REV3L: variants seen among roughly 807,000 people sequenced by gnomAD.
The protein encoded by REV3L is REV3 like, DNA directed polymerase zeta catalytic subunit.
Under a neutral mutation model 299.4 loss-of-function variants are expected in REV3L, and 69 were observed. The observed-to-expected ratio is 0.23, with a 90% CI of 0.19 to 0.28. The LOEUF (loss-of-function observed/expected upper bound fraction) is 0.28. Ranked by LOEUF, REV3L falls within the 10% of genes least tolerant of loss-of-function variation. The pLI, the probability that REV3L is intolerant of heterozygous loss-of-function variation, is 1.00. For synonymous variants in REV3L, 1,238 were observed against 1,271.4 expected, an observed-to-expected ratio of 0.97 and a Z score of 0.56; for missense variants, 3,128 against 3,693.8, an observed-to-expected ratio of 0.85 and a Z score of 3.97.
At chr6:111,352,936 GA>G (rs1777721880) in intron 18 of REV3L, among the ~76,000 whole-genome samples, 1 of 152,180 alleles carries the variant, frequency 6.6e-6, no homozygotes, top group African/African-American at 2.4e-5. Flanking sequence ...GTGTGGGAGA[GA>G]GCGGAACTAA....
chr6:111,475,028 G>T (rs1487129022), intron 1 of REV3L, among the ~76,000 whole-genome samples: 2 of 139,002 alleles, frequency 1.4e-5, no homozygotes, highest in African/African-American at 5.8e-5. Flanking sequence ...CACACATATG[G>T]ATTTTATTAT....
At position 111,392,942 on chromosome 6, in the gene REV3L, T is replaced by C. The variant is rs756532789; in HGVS notation, c.596A>G (p.Lys199Arg). ...AAGAGAATTTCCTGATAAATGATTC[T>C]TGCAGGATCCAGTTGCATGCAATGT... Reference protein sequence around the residue: ...SNTLHATGSCKNHLSGNSLAD... With the variant: ...SNTLHATGSCRNHLSGNSLAD... Residue 199 changes from lysine to arginine, a missense_variant, in exon 5 of 32, where the codon AAG becomes AGG. Lys to Arg is a conservative substitution (Grantham distance 26). Transcript: ENST00000368802. The C allele has an allele frequency of 3.5e-5, 56 of 1,612,068 alleles. No homozygotes were observed. Among genetic ancestry groups the C allele is most frequent in the Non-Finnish European group, 4.5e-5 (53 of 1,178,380 alleles).
Position 111,367,861 on chromosome 6 carries a change from A to T in REV3L, c.5927T>A (p.Val1976Asp). Residue 1976 changes from valine to aspartate, a missense_variant, in exon 14 of 32, where the codon GTC (valine) becomes GAC (aspartate). By Grantham distance (152) the Val-to-Asp change is radical (BLOSUM62 -3). Transcript: ENST00000368802. ...GSPLRSGQGV[V>D]NKGSSNSPKM... ...AGGGCTATTACTTGACCCTTTATTGACAACTCCTTGGCCACTGCGAAGGGG... is the reference window on the plus strand; with the variant it reads ...AGGGCTATTACTTGACCCTTTATTGTCAACTCCTTGGCCACTGCGAAGGGG... The T allele has an allele frequency of 1.2e-6, 2 of 1,614,128 alleles. No homozygotes were observed. Among genetic ancestry groups the T allele is most frequent in the Non-Finnish European group, 1.7e-6 (2 of 1,180,010 alleles).
intron 13 of REV3L, 41 bp downstream of exon 13, chr6:111,372,555 T>C (rs752306496): frequency 2.6e-5 from 37 of 1,400,590 alleles, no homozygotes; most frequent in East Asian, 4.8e-5. Context: ...TTATATATCA[T>C]AATAATTCAG....
intron 1 of REV3L, among the ~76,000 whole-genome samples, chr6:111,451,846 G>GAA (rs36014006): frequency 1.2e-3 from 154 of 132,064 alleles, no homozygotes; most frequent in South Asian, 8.5e-3. Context: ...ATCACGAAAG[G>GAA]AAAAAAAAAA....
At chr6:111,358,570 C>A (rs758293963) in intron 17 of REV3L, among the ~76,000 whole-genome samples, 2 of 152,112 alleles carry the variant, frequency 1.3e-5, no homozygotes, top group African/African-American at 4.8e-5. Flanking sequence ...TCGAGCAATC[C>A]TGTTGCCCAG....
chr6:111,465,225 C>T (rs1791308145), intron 1 of REV3L, among the ~76,000 whole-genome samples: 1 of 150,486 alleles, frequency 6.6e-6, no homozygotes, highest in Non-Finnish European at 1.5e-5. Context: ...GGATTACAGG[C>T]ATGCACCATC....
At chr6:111,460,072 G>T (rs1239279606) in intron 1 of REV3L, among the ~76,000 whole-genome samples, 1 of 152,048 alleles carries the variant, frequency 6.6e-6, no homozygotes, top group Non-Finnish European at 1.5e-5. Context: ...ATACACCATG[G>T]AACACTACAC....
At chr6:111,395,551 T>A (rs1019650273) in intron 4 of REV3L, among the ~76,000 whole-genome samples, 6 of 151,798 alleles carry the variant, frequency 4.0e-5, no homozygotes, top group African/African-American at 9.7e-5. Context: ...TTGTGGGTTT[T>A]AAAAAAAAAT....
intron 22 of REV3L, 109 bp downstream of exon 22, chr6:111,335,356 TATTG>T (rs754582588): frequency 4.4e-6 from 5 of 1,139,208 alleles, no homozygotes; most frequent in Non-Finnish European, 6.1e-6. Flanking sequence ...ATTACCCAGC[TATTG>T]ATTAGTTGGT....
intron 4 of REV3L, among the ~76,000 whole-genome samples, chr6:111,397,866 G>A (rs1782686214): frequency 6.6e-6 from 1 of 151,860 alleles, no homozygotes; most frequent in Non-Finnish European, 1.5e-5. Context: ...CAAATTCCTG[G>A]GCTCAAGCAA....
intron 25 of REV3L, among the ~76,000 whole-genome samples, chr6:111,325,965 T>C (rs1774744571): frequency 6.6e-6 from 1 of 152,092 alleles, no homozygotes; most frequent in Non-Finnish European, 1.5e-5. Flanking sequence ...TTCTACTCTC[T>C]ATCTCCATGA....
chr6:111,330,887 T>C, intron 24 of REV3L: 1 of 643,082 alleles, frequency 1.6e-6, no homozygotes, highest in Non-Finnish European at 1.9e-6. Flanking sequence ...ATGAACTCTT[T>C]GGTTAAAATT....
intron 1 of REV3L, among the ~76,000 whole-genome samples, chr6:111,440,959 T>A (rs1328798384): frequency 6.6e-6 from 1 of 152,246 alleles, no homozygotes; most frequent in East Asian, 1.9e-4. Flanking sequence ...AGAAGTCCGA[T>A]GTAATTTTTG....
Position 111,422,649 on chromosome 6 carries a change from C to CACAT in REV3L, c.140-6178_140-6177insATGT, listed in dbSNP as rs1554228646. Among the ~76,000 whole-genome samples, 5 of 22,502 alleles carry CACAT rather than the reference C, an allele frequency of 2.2e-4. 1 individual carries two copies. Among genetic ancestry groups the CACAT allele is most frequent in the East Asian group, 2.1e-3 (2 of 974 alleles). 14.8% of individuals were successfully genotyped at this position (22,502 alleles called of 152,430 possible). On this transcript the variant is annotated intron_variant, in intron 1 of 31. Transcript: ENST00000368802. ...ATATATACACATATATATATATATA[C>CACAT]ATATATATATATACATATATATATA...
At chr6:111,324,022 C>CA (rs1477286656) in intron 25 of REV3L, among the ~76,000 whole-genome samples, 1 of 152,140 alleles carries the variant, frequency 6.6e-6, no homozygotes, top group African/African-American at 2.4e-5. Context: ...TATTTTGAGA[C>CA]AGAGTCTCGT....
chr6:111,333,457 T>C, intron 22 of REV3L, 90 bp from the exon 23 acceptor site: 1 of 1,499,490 alleles, frequency 6.7e-7, no homozygotes, highest in South Asian at 1.3e-5. Flanking sequence ...TAATCTGCTT[T>C]TCAGAATAAG....
chr6:111,313,969 C>T (rs1018063433), intron 27 of REV3L, among the ~76,000 whole-genome samples: 3 of 152,212 alleles, frequency 2.0e-5, no homozygotes, highest in South Asian at 2.1e-4. Context: ...CCCAGGAGGA[C>T]GCAATTCCTC....
rs560030410 is a variant in REV3L at position 111,333,817 on chromosome 6, G to T, written c.7681-450C>A. On this transcript the variant is annotated intron_variant, in intron 22 of 31. Transcript: ENST00000368802. ...TAGTCAGCTTTCAGATGCGAAAAGG[G>T]ATATATGTAAATCCTTTTCCTATTC... is the stretch of plus-strand genomic sequence containing the variant. Among the ~76,000 whole-genome samples the T allele has an allele frequency of 8.6e-4, 131 of 152,168 alleles. 3 individuals carry two copies. In the South Asian group the frequency reaches 0.026, roughly 30 times the overall value.
Sources: allele counts gnomAD v4.1 joint callset (sites outside exome capture counted in the v4.1 genomes callset), GRCh38; gene constraint gnomAD v4.1.1; transcripts MANE v1.5; gene names NCBI Gene and HGNC (gene_info 2026-07-23, HGNC 2026-07-21).